The following USP32 variants were observed in gnomAD, a reference collection of about 807,000 sequenced individuals.
The protein encoded by USP32 is ubiquitin specific peptidase 32.
In USP32, 59 loss-of-function variants were observed where a neutral mutation model predicts 204.8. The observed-to-expected ratio is 0.29, with a 90% CI of 0.23 to 0.36. USP32 has a LOEUF of 0.36. USP32 is among the 10% of genes least tolerant of loss of function. The probability of loss-of-function intolerance (pLI) is 1.00; values close to 1 mark genes in which losing one functional copy is unlikely to be tolerated. For synonymous variants in USP32, 517 were observed against 678.4 expected (o/e 0.76, Z 3.70); for missense variants, 1,160 against 1,946.4 (o/e 0.60, Z 7.60).
intron 2 of USP32, among the ~76,000 whole-genome samples, chr17:60,308,019 C>T (rs2087767392): frequency 6.6e-6 from 1 of 152,150 alleles, no homozygotes; most frequent in Non-Finnish European, 1.5e-5. Flanking sequence ...GAGGAAAGTA[C>T]GGCCGCTGAG....
At chr17:60,251,298 T>C (rs2086162010) in intron 11 of USP32, among the ~76,000 whole-genome samples, 2 of 152,074 alleles carry the variant, frequency 1.3e-5, no homozygotes, top group Non-Finnish European at 2.9e-5. Flanking sequence ...TAATAATAAA[T>C]AACCGTTTTT....
At chr17:60,245,826 G>C (rs902565685) in intron 11 of USP32, among the ~76,000 whole-genome samples, 5 of 150,790 alleles carry the variant, frequency 3.3e-5, no homozygotes, top group Admixed American at 3.3e-4. Context: ...ATATAGGAAT[G>C]TCTTTAGTTC....
chr17:60,306,558 A>C (rs2087728660), intron 2 of USP32, among the ~76,000 whole-genome samples: 1 of 152,084 alleles, frequency 6.6e-6, no homozygotes, highest in African/African-American at 2.4e-5. Context: ...GAATCACTTG[A>C]ACCCGGAAGG....
intron 2 of USP32, among the ~76,000 whole-genome samples, chr17:60,318,245 A>T (rs1314930652): frequency 6.6e-6 from 1 of 152,262 alleles, no homozygotes; most frequent in East Asian, 1.9e-4. Context: ...TAAACTCAGC[A>T]TATATAAAGA....
At chr17:60,377,709 T>C (rs1598300616) in intron 1 of USP32, among the ~76,000 whole-genome samples, 1 of 152,256 alleles carries the variant, frequency 6.6e-6, no homozygotes, top group Non-Finnish European at 1.5e-5. Context: ...GTTACAGATA[T>C]CATTTCCTCT....
intron 11 of USP32, among the ~76,000 whole-genome samples, chr17:60,244,682 A>T (rs2085967495): frequency 6.6e-6 from 1 of 152,120 alleles, no homozygotes. Context: ...CCCAGGCTGG[A>T]GAGCAGGCGT....
rs539693020 is a variant in USP32, at chr17:60,316,348, G to A, written c.187-14644C>T. On this transcript the variant is annotated intron_variant, in intron 2 of 33. Coordinates refer to ENST00000300896, the MANE Select transcript of USP32 (RefSeq NM_032582.4). ...TGAAAAGCTACCTAAGTAAATGACT[G>A]CAAGTGGGAAAATGGGGAACGGAAA... 9 of 154,970 alleles carry A rather than the reference G, an allele frequency of 5.8e-5. No homozygotes were observed. The South Asian group carries it at 1.8e-3, about 30-fold the overall frequency. The allele number at this position is 154,970 out of a possible 1,614,324, so 9.6% of individuals were successfully genotyped here. A position where few individuals can be genotyped will look rare whatever the true frequency, so the allele number is the denominator to read the frequency against.
At chr17:60,193,642 T>C (rs1433762351) in intron 27 of USP32, among the ~76,000 whole-genome samples, 1 of 151,050 alleles carries the variant, frequency 6.6e-6, no homozygotes, top group African/African-American at 2.4e-5. Flanking sequence ...AAGCTGGGGG[T>C]GGGGGAGAAG....
intron 9 of USP32, among the ~76,000 whole-genome samples, chr17:60,263,821 A>G (rs1422607001): frequency 1.3e-5 from 2 of 152,238 alleles, no homozygotes. Flanking sequence ...ATTGAGAATC[A>G]GTTAATAGGG....
rs1350871933 is a variant in USP32 at position 60,208,840 on chromosome 17, A to G, written c.2599-12T>C. The G allele has an allele frequency of 6.5e-7, 1 of 1,545,432 alleles. No individual in the cohort carries two copies. Reference sequence around the variant, plus strand: ...TGGTTGTCCCAGGCCTAGCAATAAAAAAGATGAGAATTTTCTCTCAAAATC... The same window carrying G: ...TGGTTGTCCCAGGCCTAGCAATAAAGAAGATGAGAATTTTCTCTCAAAATC... On this transcript the variant is annotated splice_polypyrimidine_tract_variant and intron_variant, in intron 22 of 33. Coordinates refer to ENST00000300896, the MANE Select transcript of USP32 (RefSeq NM_032582.4).
intron 5 of USP32, 28 bp downstream of exon 5, chr17:60,288,495 C>T: frequency 6.4e-7 from 1 of 1,557,582 alleles, no homozygotes; most frequent in Non-Finnish European, 8.6e-7. Context: ...AAAAGGCAAA[C>T]AGAAAACAAT....
chr17:60,226,081 T>C lies in USP32; in HGVS notation c.1390A>G (p.Asn464Asp), dbSNP rs762310364. 7.5e-6 allele frequency: 12 copies of C among 1,607,120 alleles called. No individual in the cohort carries two copies. Among genetic ancestry groups the C allele is most frequent in the Non-Finnish European group, 2.5e-6 (3 of 1,177,706 alleles). Residue 464 changes from asparagine (N) to aspartate (D), a missense_variant, in exon 13 of 34, where the codon AAC (asparagine) becomes GAC (aspartate). Physicochemically the swap from Asn to Asp is conservative, Grantham distance 23. Coordinates refer to ENST00000300896, the MANE Select transcript of USP32 (RefSeq NM_032582.4). The stretch of plus-strand genomic sequence containing the variant: ...GAGGCTTCAGATGCAGTAGAAATGT[T>C]GTCTGAAAATTTCTCTTCTGTAGTA... ...VNTTEEKFSD[N>D]ISTASEASET...
chr17:60,413,876 GAAAAAAAAAA>G (rs753405307), intron 1 of USP32, among the ~76,000 whole-genome samples: 1 of 95,106 alleles, frequency 1.1e-5, no homozygotes, highest in Non-Finnish European at 2.1e-5. Context: ...AAAAAAAAAA[GAAAAAAAAAA>G]AAAAAAAAAG....
chr17:60,421,362 G>T, intron 1 of USP32: 1 of 985,496 alleles, frequency 1.0e-6, no homozygotes, highest in African/African-American at 1.7e-5. Flanking sequence ...GGGCCTCCGG[G>T]CTACCCCTAC....
intron 12 of USP32, 147 bp from the exon 13 acceptor site, chr17:60,226,378 AT>A: frequency 1.5e-6 from 1 of 668,128 alleles, no homozygotes; most frequent in Non-Finnish European, 2.3e-6. Flanking sequence ...ACATAGCTAT[AT>A]TTTAATCTCT....
At position 60,354,335 on chromosome 17, in the gene USP32, T is replaced by C. The variant is rs376816347; in HGVS notation, c.59-8727A>G. 1.1e-4 allele frequency among the ~76,000 whole-genome samples: 16 copies of C among 152,332 alleles called. No individual in the cohort carries two copies. In the East Asian group the frequency reaches 2.9e-3, roughly 28 times the overall value. ...AGGCAGGACCATGCATTCTGATTTCTGTTATAGGATAGGAGTTTCCGTTTT... is the reference window on the plus strand; with the variant it reads ...AGGCAGGACCATGCATTCTGATTTCCGTTATAGGATAGGAGTTTCCGTTTT... On this transcript the variant is annotated intron_variant, in intron 1 of 33. Coordinates refer to ENST00000300896, the MANE Select transcript of USP32 (RefSeq NM_032582.4).
intron 5 of USP32, 128 bp downstream of exon 5, chr17:60,288,395 G>C: frequency 8.9e-7 from 1 of 1,129,258 alleles, no homozygotes; most frequent in Non-Finnish European, 1.2e-6. Flanking sequence ...AGCCACGATG[G>C]TGCCACTGCA....
At chr17:60,367,018 G>A (rs150183974) in intron 1 of USP32, among the ~76,000 whole-genome samples, 4 of 152,074 alleles carry the variant, frequency 2.6e-5, no homozygotes, top group Admixed American at 6.6e-5. Context: ...TAGTAGAGAC[G>A]GGGTTTCACC....
intron 2 of USP32, among the ~76,000 whole-genome samples, chr17:60,332,436 T>A (rs1598256662): frequency 3.3e-5 from 5 of 151,664 alleles, no homozygotes; most frequent in Admixed American, 3.3e-4. Context: ...TCACCTGAGG[T>A]CAGGAGTTTG....
Sources: gnomAD v4.1 joint callset for allele counts (sites outside exome capture counted in the v4.1 genomes callset) on GRCh38, gnomAD v4.1.1 for gene constraint, MANE v1.5 for transcripts, NCBI Gene and HGNC (gene_info 2026-07-23, HGNC 2026-07-21) for gene names.